DPYD: variants seen among roughly 807,000 people sequenced by gnomAD.
DPYD encodes dihydropyrimidine dehydrogenase.
A neutral mutation model predicts 116.2 loss-of-function variants in DPYD; 109 were observed. The observed-to-expected ratio is 0.94, with a 90% CI of 0.80 to 1.10. DPYD has a LOEUF of 1.10. DPYD is among the 50% of genes least tolerant of loss of function. The probability of loss-of-function intolerance (pLI) is 0.00; values close to 1 mark genes in which losing one functional copy is unlikely to be tolerated. For missense variants in DPYD, 1,302 were observed against 1,254.5 expected (o/e 1.04, Z -0.57); for synonymous variants, 440 against 432.0 (o/e 1.02, Z -0.23).
chr1:97,300,030 A>G lies in DPYD; in HGVS notation c.2299+5229T>C, dbSNP rs1303000845. Among the ~76,000 whole-genome samples, 5 of 152,182 alleles carry G rather than the reference A, an allele frequency of 3.3e-5. No individual in the cohort carries two copies. The South Asian group carries it at 8.3e-4, about 25-fold the overall frequency. On this transcript the variant is annotated intron_variant, in intron 18 of 22. Transcript: ENST00000370192. The stretch of plus-strand genomic sequence containing the variant: ...ATAATTTATAATAAAATTGTAATCT[A>G]GCATCTGTATTTGAAATGCCTACTT...
At chr1:97,286,875 G>C (rs1665726518) in intron 18 of DPYD, among the ~76,000 whole-genome samples, 1 of 152,128 alleles carries the variant, frequency 6.6e-6, no homozygotes, top group Admixed American at 6.5e-5. Context: ...ATTTCCTCCT[G>C]TAGCTCGGAG....
intron 16 of DPYD, among the ~76,000 whole-genome samples, chr1:97,311,573 C>T (rs1301251314): frequency 1.3e-5 from 2 of 151,712 alleles, no homozygotes; most frequent in African/African-American, 4.8e-5. Context: ...CTTTGGGAAA[C>T]AGTTTCACAT....
intron 16 of DPYD, among the ~76,000 whole-genome samples, chr1:97,370,883 G>T (rs930409988): frequency 2.0e-5 from 3 of 152,108 alleles, no homozygotes; most frequent in African/African-American, 7.2e-5. Context: ...TTTAAGATTT[G>T]ATATGAAGCT....
At chr1:97,602,458 T>A (rs867007500) in intron 8 of DPYD, among the ~76,000 whole-genome samples, 1 of 151,982 alleles carries the variant, frequency 6.6e-6, no homozygotes, top group Admixed American at 6.6e-5. Context: ...CAAGTACACA[T>A]ATGAAATGAA....
chr1:97,684,813 A>G (rs1273787440), intron 7 of DPYD, among the ~76,000 whole-genome samples: 2 of 152,178 alleles, frequency 1.3e-5, no homozygotes, highest in Non-Finnish European at 2.9e-5. Flanking sequence ...TGAATCCCTG[A>G]ATAGACCAAT....
intron 16 of DPYD, among the ~76,000 whole-genome samples, chr1:97,351,782 G>A (rs1294729873): frequency 2.0e-5 from 3 of 152,042 alleles, no homozygotes; most frequent in African/African-American, 7.2e-5. Flanking sequence ...AAAAGAGAAT[G>A]TTTATAAAAG....
chr1:97,616,972 G>A (rs550167961), intron 8 of DPYD, among the ~76,000 whole-genome samples: 1 of 151,934 alleles, frequency 6.6e-6, no homozygotes, highest in Non-Finnish European at 1.5e-5. Flanking sequence ...TGCAACCTCC[G>A]CCTCCCGGGT....
chr1:97,786,224 T>G lies in DPYD; in HGVS notation c.233+41890A>C, dbSNP rs142002017. Reference sequence around the variant, plus strand: ...AGCATTCCTTTCTCTTTTACATGTTTATTATTAACCAACACTTTACCAATT... The same window carrying G: ...AGCATTCCTTTCTCTTTTACATGTTGATTATTAACCAACACTTTACCAATT... On this transcript the variant is annotated intron_variant, in intron 3 of 22. Transcript: ENST00000370192. Among the ~76,000 whole-genome samples the G allele has an allele frequency of 2.4e-4, 37 of 152,304 alleles. No individual in the cohort carries two copies. The East Asian group carries it at 7.1e-3, about 29-fold the overall frequency.
At chr1:97,299,630 T>C (rs980794783) in intron 18 of DPYD, among the ~76,000 whole-genome samples, 1 of 152,128 alleles carries the variant, frequency 6.6e-6, no homozygotes, top group Non-Finnish European at 1.5e-5. Context: ...TCTATGAATA[T>C]GGCAGCTGAG....
chr1:97,433,572 G>C (rs1675299196), intron 14 of DPYD, among the ~76,000 whole-genome samples: 1 of 152,000 alleles, frequency 6.6e-6, no homozygotes, highest in African/African-American at 2.4e-5. Context: ...CTTTTGTTAT[G>C]GTTATTAGGG....
chr1:97,831,009 C>T (rs528059427), intron 2 of DPYD, among the ~76,000 whole-genome samples: 3 of 152,246 alleles, frequency 2.0e-5, no homozygotes, highest in East Asian at 1.9e-4. Flanking sequence ...ATGTTTTACA[C>T]TTTGTGTCTG....
chr1:97,238,045 A>C (rs994467038), intron 18 of DPYD, among the ~76,000 whole-genome samples: 3 of 152,144 alleles, frequency 2.0e-5, no homozygotes, highest in Non-Finnish European at 4.4e-5. Flanking sequence ...GTGACACTTA[A>C]AGGGCAACAT....
chr1:97,229,203 CAAA>C (rs34445661), intron 19 of DPYD, among the ~76,000 whole-genome samples: 3 of 58,578 alleles, frequency 5.1e-5, no homozygotes, highest in African/African-American at 8.5e-5. Context: ...GACTCCTTCT[CAAA>C]AAAAAAAAAA....
intron 8 of DPYD, among the ~76,000 whole-genome samples, chr1:97,659,078 T>A (rs1659105131): frequency 6.6e-6 from 1 of 152,102 alleles, no homozygotes; most frequent in East Asian, 1.9e-4. Flanking sequence ...TTAAAAGTCA[T>A]CCCAGGAATG....
intron 14 of DPYD, among the ~76,000 whole-genome samples, chr1:97,384,544 A>G (rs1672200266): frequency 6.6e-6 from 1 of 152,108 alleles, no homozygotes; most frequent in South Asian, 2.1e-4. Flanking sequence ...TTATCAGCTA[A>G]CCCTTTTAAG....
At chr1:97,839,655 A>G (rs1203532281) in intron 2 of DPYD, among the ~76,000 whole-genome samples, 1 of 152,226 alleles carries the variant, frequency 6.6e-6, no homozygotes, top group Non-Finnish European at 1.5e-5. Flanking sequence ...TTTTGCTGTT[A>G]GGAATAATGC....
At chr1:97,748,781 A>G (rs905580479) in intron 3 of DPYD, among the ~76,000 whole-genome samples, 2 of 152,172 alleles carry the variant, frequency 1.3e-5, no homozygotes, top group African/African-American at 4.8e-5. Context: ...GTCCAATATT[A>G]TTTACAGTGT....
At chr1:97,124,633 C>T (rs1010199906) in intron 20 of DPYD, among the ~76,000 whole-genome samples, 5 of 152,032 alleles carry the variant, frequency 3.3e-5, no homozygotes, top group African/African-American at 1.2e-4. Flanking sequence ...TCCTATTTGG[C>T]CAGCTACTAG....
intron 3 of DPYD, among the ~76,000 whole-genome samples, chr1:97,825,844 A>C (rs889715920): frequency 1.3e-5 from 2 of 152,182 alleles, no homozygotes; most frequent in African/African-American, 2.4e-5. Context: ...CTAACAGAGA[A>C]GCTACCATGA....
Sources: allele counts gnomAD v4.1 joint callset (sites outside exome capture counted in the v4.1 genomes callset), GRCh38; gene constraint gnomAD v4.1.1; transcripts MANE v1.5; gene names NCBI Gene and HGNC (gene_info 2026-07-23, HGNC 2026-07-21).